The following FBXW4 variants were observed in gnomAD, a reference collection of about 807,000 sequenced individuals.
The protein encoded by FBXW4 is F-box/WD repeat-containing protein 4.
In FBXW4, 40 loss-of-function variants were observed where a neutral mutation model predicts 61.8. The observed-to-expected ratio is 0.65, with a 90% confidence interval of 0.50 to 0.84. The LOEUF is 0.84. FBXW4 is among the 40% of genes least tolerant of loss of function. The pLI is 0.00. For synonymous variants in FBXW4, 311 were observed against 313.8 expected, an observed-to-expected ratio of 0.99 and a Z score of 0.10; for missense variants, 672 against 753.8, an observed-to-expected ratio of 0.89 and a Z score of 1.27.
chr10:101,650,783 C>T (rs2064138759), intron 5 of FBXW4, among the ~76,000 whole-genome samples: 1 of 152,218 alleles, frequency 6.6e-6, no homozygotes, highest in Admixed American at 6.5e-5. Flanking sequence ...TTGAGGCCCC[C>T]CAGCCTGGCC....
At chr10:101,628,608 A>C (rs1259475642) in intron 5 of FBXW4, among the ~76,000 whole-genome samples, 1 of 152,178 alleles carries the variant, frequency 6.6e-6, no homozygotes, top group Non-Finnish European at 1.5e-5. Flanking sequence ...TCTGCTTCCT[A>C]AAGGAATAAT....
intron 1 of FBXW4, among the ~76,000 whole-genome samples, chr10:101,681,643 G>A (rs1158625520): frequency 6.7e-6 from 1 of 148,704 alleles, no homozygotes; most frequent in African/African-American, 2.5e-5. Flanking sequence ...CATGAACCCG[G>A]GAGGCAGCGC....
intron 5 of FBXW4, among the ~76,000 whole-genome samples, chr10:101,666,740 A>T (rs73351242): frequency 0.026 from 4,001 of 152,186 alleles, 176 homozygotes; most frequent in African/African-American, 0.088. Flanking sequence ...AGAAGTCGGG[A>T]TGCAAACCTC....
chr10:101,691,160 A>G (rs2064596839), intron 1 of FBXW4, among the ~76,000 whole-genome samples: 1 of 152,132 alleles, frequency 6.6e-6, no homozygotes, highest in Non-Finnish European at 1.5e-5. Context: ...ATTAGCCCAA[A>G]GCAATGAACG....
intron 5 of FBXW4, among the ~76,000 whole-genome samples, chr10:101,661,452 A>AG (rs1396927401): frequency 6.6e-6 from 1 of 152,190 alleles, no homozygotes; most frequent in African/African-American, 2.4e-5. Context: ...AATGAACTCC[A>AG]GGGTGGAGGG....
intron 1 of FBXW4, among the ~76,000 whole-genome samples, chr10:101,686,244 G>A (rs775264328): frequency 9.9e-5 from 15 of 152,084 alleles, no homozygotes; most frequent in Non-Finnish European, 2.1e-4. Context: ...AGAATTTTAT[G>A]GTCAAAACAT....
At chr10:101,613,147 C>T (rs539795752) in intron 6 of FBXW4, 3 of 152,274 alleles carry the variant, frequency 2.0e-5, no homozygotes, top group East Asian at 1.9e-4. Flanking sequence ...CTGCTCCCCC[C>T]ACCCTCACCC....
intron 1 of FBXW4, among the ~76,000 whole-genome samples, chr10:101,681,398 A>AATAATAAT (rs199519506): frequency 7.3e-6 from 1 of 136,066 alleles, no homozygotes; most frequent in African/African-American, 2.7e-5. Flanking sequence ...CAAAAAAAAA[A>AATAATAAT]AATAATAATA....
At chr10:101,660,747 T>C (rs564235563) in intron 5 of FBXW4, among the ~76,000 whole-genome samples, 1 of 151,382 alleles carries the variant, frequency 6.6e-6, no homozygotes, top group South Asian at 2.1e-4. Flanking sequence ...GAAGAAAGAG[T>C]GGTGCAGGTA....
Position 101,667,975 on chromosome 10 carries a change from C to T in FBXW4, c.1146G>A (p.Trp382Ter). Reference sequence around the variant, plus strand: ...GCCCCAGCCGGCCTGAGGCCAAAGGCCACACCTAGAAACAGGAGAGGAGAT... The same window carrying T: ...GCCCCAGCCGGCCTGAGGCCAAAGGTCACACCTAGAAACAGGAGAGGAGAT... ...SGSRDRTAKVWPLASGRLGQC... is the reference protein window; with the variant it reads ...SGSRDRTAKV The change falls in exon 5 of 9, where the codon TGG becomes TGA. Residue 382 changes from tryptophan to a stop codon, truncating the protein, a stop_gained. Transcript: ENST00000331272. LOFTEE classifies it high-confidence loss of function. The T allele has an allele frequency of 6.2e-7, 1 of 1,613,820 alleles. No homozygotes were observed. The highest frequency in any genetic ancestry group is 8.5e-7 in the Non-Finnish European group (1 of 1,179,668).
intron 1 of FBXW4, among the ~76,000 whole-genome samples, chr10:101,690,042 C>T (rs2064577608): frequency 6.6e-6 from 1 of 152,246 alleles, no homozygotes; most frequent in South Asian, 2.1e-4. Flanking sequence ...ATATGTAGCA[C>T]TTAATTCGGG....
intron 1 of FBXW4, among the ~76,000 whole-genome samples, chr10:101,680,470 T>G (rs1427417221): frequency 6.6e-6 from 1 of 152,150 alleles, no homozygotes; most frequent in African/African-American, 2.4e-5. Context: ...CTCTAAAACT[T>G]TTAGGGAGCT....
rs1167956779 is a variant in FBXW4 at position 101,694,434 on chromosome 10, G to A, written c.672C>T (p.Arg224=). The part of the protein sequence containing the change: ...RRFTSCDLLW[R]RIARASLNSG... ...AGTTGAGCGAGGCCCGGGCTATCCGGCGCCAGAGCAGATCGCAGCTGGTGA... is the reference window on the plus strand; with the variant it reads ...AGTTGAGCGAGGCCCGGGCTATCCGACGCCAGAGCAGATCGCAGCTGGTGA... Residue 224 remains arginine, a synonymous_variant, in exon 1 of 9, where the codon CGC becomes CGT. Transcript: ENST00000331272. The surrounding 1 kb of genome is among the most constrained non-coding windows in gnomAD (Gnocchi z 6.0). 2 of 1,532,720 alleles carry A rather than the reference G, an allele frequency of 1.3e-6. No individual in the cohort carries two copies. The highest frequency in any genetic ancestry group is 2.3e-4 in the Middle Eastern group (1 of 4,432). 94.9% of individuals were successfully genotyped at this position (1,532,720 alleles called of 1,614,324 possible).
At chr10:101,664,355 G>A (rs1398731763) in intron 5 of FBXW4, among the ~76,000 whole-genome samples, 4 of 152,214 alleles carry the variant, frequency 2.6e-5, no homozygotes, top group African/African-American at 9.7e-5. Flanking sequence ...TCTCCTAACT[G>A]TCCAGGTTCC....
rs1174607829 is a variant in FBXW4, at chr10:101,611,260, C to T, written c.*31G>A. ...GAGAAGTCCCTGAGTAGCTGGTTTC[C>T]CTGGCCCAGAGGCAGGGGTGGCCCT... On this transcript the variant is annotated 3_prime_UTR_variant, in exon 9 of 9. Transcript: ENST00000331272. This position sits in a 1 kb window ranked among gnomAD's most constrained non-coding sequence, Gnocchi z 4.9. 1 of 1,606,880 alleles carries T rather than the reference C, an allele frequency of 6.2e-7. No individual in the cohort carries two copies. Among genetic ancestry groups the T allele is most frequent in the Admixed American group, 1.7e-5 (1 of 59,470 alleles).
chr10:101,671,487 G>GT (rs1282977854), intron 4 of FBXW4, among the ~76,000 whole-genome samples: 1 of 152,172 alleles, frequency 6.6e-6, no homozygotes, highest in African/African-American at 2.4e-5. Flanking sequence ...TTCGTCAACT[G>GT]TAAGTAATCC....
chr10:101,652,753 A>C (rs1212829202), intron 5 of FBXW4, among the ~76,000 whole-genome samples: 2 of 152,186 alleles, frequency 1.3e-5, no homozygotes, highest in African/African-American at 2.4e-5. Context: ...GGGAAAAGGC[A>C]TAATAAGCAA....
intron 5 of FBXW4, among the ~76,000 whole-genome samples, chr10:101,628,795 T>G (rs568000733): frequency 4.1e-4 from 63 of 152,298 alleles, no homozygotes; most frequent in Admixed American, 8.5e-4. Flanking sequence ...ACATATCCCC[T>G]CTTAGCTAGA....
chr10:101,661,063 C>T (rs1355401663), intron 5 of FBXW4, among the ~76,000 whole-genome samples: 1 of 152,188 alleles, frequency 6.6e-6, no homozygotes, highest in African/African-American at 2.4e-5. Context: ...AGAATTTAAA[C>T]ACTAGACTGA....
Sources: allele counts gnomAD v4.1 joint callset (sites outside exome capture counted in the v4.1 genomes callset), GRCh38; gene constraint gnomAD v4.1.1; non-coding constraint Gnocchi (gnomAD v3.1); transcripts MANE v1.5; gene names NCBI Gene and HGNC (gene_info 2026-07-23, HGNC 2026-07-21).